Variants in CTNNA2 observed in about 807,000 individuals in gnomAD.
CTNNA2 encodes catenin alpha 2.
Under a neutral mutation model 101.0 loss-of-function variants are expected in CTNNA2, and 42 were observed. That is an observed-to-expected ratio of 0.42 (90% CI 0.32 to 0.54). The LOEUF is 0.54. Among genes scored for constraint, CTNNA2 ranks in the 20% least tolerant of loss-of-function variants. CTNNA2 has a pLI of 0.14. For synonymous variants in CTNNA2, 450 were observed against 456.4 expected (o/e 0.99, Z 0.18); for missense variants, 871 against 1,223.1 (o/e 0.71, Z 4.29).
chr2:79,938,084 T>C (rs560705616), intron 7 of CTNNA2, among the ~76,000 whole-genome samples: 4 of 152,246 alleles, frequency 2.6e-5, no homozygotes, highest in African/African-American at 9.6e-5. Context: ...GAAAAAAGCC[T>C]AGAACAGTGG....
chr2:79,549,339 A>T (rs549179002), intron 1 of CTNNA2, among the ~76,000 whole-genome samples: 1 of 152,332 alleles, frequency 6.6e-6, no homozygotes, highest in African/African-American at 2.4e-5. Flanking sequence ...CACACGTGGA[A>T]TGAGCTTAAT....
At chr2:80,601,870 G>A (rs972472991) in intron 15 of CTNNA2, 3 of 151,932 alleles carry the variant, frequency 2.0e-5, no homozygotes, top group Non-Finnish European at 4.4e-5. Context: ...GTGTATTAAT[G>A]TATGTAGTTA....
Position 80,087,568 on chromosome 2 carries a change from C to A in CTNNA2, c.1056+177771C>A, listed in dbSNP as rs199946522. 2.6e-4 allele frequency among the ~76,000 whole-genome samples: 39 copies of A among 152,112 alleles called. No homozygotes were observed. In the East Asian group the frequency reaches 4.6e-3, roughly 18 times the overall value. The stretch of plus-strand genomic sequence containing the variant: ...GTAGCCTTCTGGGTATAGGGAAGTT[C>A]TCTAGCCTGTGTGGGCTGCTCTCTG... On this transcript the variant is annotated intron_variant, in intron 7 of 18. Transcript: ENST00000402739.
chr2:80,282,342 C>A (rs1674447132), intron 7 of CTNNA2, among the ~76,000 whole-genome samples: 2 of 151,952 alleles, frequency 1.3e-5, no homozygotes, highest in Admixed American at 6.6e-5. Context: ...AAAGCGAGTA[C>A]ATTTTTCTTT....
chr2:79,901,954 G>A (rs1685095955), intron 6 of CTNNA2, among the ~76,000 whole-genome samples: 1 of 152,168 alleles, frequency 6.6e-6, no homozygotes, highest in Non-Finnish European at 1.5e-5. Context: ...GCCAAAGAAA[G>A]ACTGAGCAAT....
intron 2 of CTNNA2, among the ~76,000 whole-genome samples, chr2:79,656,702 A>G (rs1681635074): frequency 6.6e-6 from 1 of 152,082 alleles, no homozygotes; most frequent in African/African-American, 2.4e-5. Flanking sequence ...AGAGATATTC[A>G]TCTTAGGAAG....
At chr2:79,613,551 TTTC>T (rs1469078217) in intron 1 of CTNNA2, among the ~76,000 whole-genome samples, 4 of 152,176 alleles carry the variant, frequency 2.6e-5, no homozygotes, top group African/African-American at 9.7e-5. Context: ...GCTTGCCTTT[TTTC>T]TTCAACTACT....
chr2:80,198,546 CAGTT>C (rs1229168812), intron 7 of CTNNA2, among the ~76,000 whole-genome samples: 2 of 152,100 alleles, frequency 1.3e-5, no homozygotes, highest in East Asian at 1.9e-4. Flanking sequence ...ATGAGATTGC[CAGTT>C]AGTCTGATTT....
At chr2:79,999,526 A>G (rs887316766) in intron 7 of CTNNA2, among the ~76,000 whole-genome samples, 1 of 152,060 alleles carries the variant, frequency 6.6e-6, no homozygotes, top group African/African-American at 2.4e-5. Context: ...TAACAGAGAA[A>G]ATAAAGAAGG....
intron 3 of CTNNA2, among the ~76,000 whole-genome samples, chr2:79,832,077 A>T (rs1045788425): frequency 6.6e-6 from 1 of 152,110 alleles, no homozygotes; most frequent in Non-Finnish European, 1.5e-5. Context: ...TAAGTTTTTC[A>T]GTTTTCAGTC....
intron 7 of CTNNA2, among the ~76,000 whole-genome samples, chr2:80,055,045 G>C (rs111812245): frequency 6.6e-5 from 10 of 151,840 alleles, no homozygotes; most frequent in Non-Finnish European, 1.0e-4. Flanking sequence ...GTTATTTTTC[G>C]AGACAAGGTC....
intron 2 of CTNNA2, among the ~76,000 whole-genome samples, chr2:79,728,046 A>G (rs1686967283): frequency 6.6e-6 from 1 of 152,134 alleles, no homozygotes; most frequent in African/African-American, 2.4e-5. Flanking sequence ...ATACTTGTGC[A>G]TGTGTCTTTA....
At chr2:79,911,321 G>T (rs921452938) in intron 7 of CTNNA2, among the ~76,000 whole-genome samples, 2 of 152,240 alleles carry the variant, frequency 1.3e-5, no homozygotes, top group Non-Finnish European at 2.9e-5. Flanking sequence ...AGGCACGCTA[G>T]TGGTTCTATT....
chr2:79,193,020 C>G (rs1673895466), intron 1 of CTNNA2, among the ~76,000 whole-genome samples: 1 of 152,136 alleles, frequency 6.6e-6, no homozygotes, highest in Non-Finnish European at 1.5e-5. Context: ...CATTGCCATG[C>G]ATTTCTTTAT....
intron 4 of CTNNA2, among the ~76,000 whole-genome samples, chr2:79,433,548 G>A (rs1182763450): frequency 1.4e-5 from 2 of 141,172 alleles, no homozygotes; most frequent in Non-Finnish European, 3.0e-5. Context: ...GATGAAATTT[G>A]TATTCTTGTG....
At chr2:79,594,198 C>G (rs1306290262) in intron 1 of CTNNA2, among the ~76,000 whole-genome samples, 2 of 151,958 alleles carry the variant, frequency 1.3e-5, no homozygotes, top group Non-Finnish European at 2.9e-5. Context: ...TCTTTTACTT[C>G]TTTTTTATTG....
At chr2:79,460,333 A>AC (rs1670865579) in intron 4 of CTNNA2, among the ~76,000 whole-genome samples, 1 of 152,142 alleles carries the variant, frequency 6.6e-6, no homozygotes, top group African/African-American at 2.4e-5. Flanking sequence ...ATTGTGTTCT[A>AC]CGTTCACACC....
At chr2:79,485,374 C>G (rs951210279) in intron 4 of CTNNA2, among the ~76,000 whole-genome samples, 4 of 152,148 alleles carry the variant, frequency 2.6e-5, no homozygotes, top group African/African-American at 9.7e-5. Flanking sequence ...TAAAGTGTTG[C>G]TACTCATGCT....
At position 80,178,319 on chromosome 2, in the gene CTNNA2, AG is replaced by A. The variant is rs571162931; in HGVS notation, c.1057-214890del. 2.0e-3 allele frequency among the ~76,000 whole-genome samples: 308 copies of A among 152,326 alleles called. 1 individual carries two copies. The highest frequency in any genetic ancestry group is 3.9e-3 in the Non-Finnish European group (267 of 68,026). On this transcript the variant is annotated intron_variant, in intron 7 of 18. Transcript: ENST00000402739. Reference sequence around the variant, plus strand: ...GCACTTGGTTCATGATAGGCAGTTCAGGTCACATGGTGACTTGATGACCTAT... The same window carrying A: ...GCACTTGGTTCATGATAGGCAGTTCAGTCACATGGTGACTTGATGACCTAT...
Sources: gnomAD v4.1 joint callset for allele counts (sites outside exome capture counted in the v4.1 genomes callset) on GRCh38, gnomAD v4.1.1 for gene constraint, MANE v1.5 for transcripts, NCBI Gene and HGNC (gene_info 2026-07-23, HGNC 2026-07-21) for gene names.